Variants in NPAS3 observed in about 807,000 individuals in gnomAD.
NPAS3 encodes the protein neuronal PAS domain protein 3.
NPAS3 carries 14 observed loss-of-function variants against 73.1 expected under a neutral mutation model. The observed-to-expected ratio is 0.19, with a 90% CI of 0.13 to 0.30. The LOEUF is 0.30. Ranked by LOEUF, NPAS3 falls within the 10% of genes least tolerant of loss-of-function variation. The pLI, the probability that NPAS3 is intolerant of heterozygous loss-of-function variation, is 1.00. For missense variants in NPAS3, 1,096 were observed against 1,250.0 expected (o/e 0.88, Z 1.86); for synonymous variants, 620 against 541.5 (o/e 1.14, Z -2.01).
At chr14:33,266,541 C>T (rs754060053) in intron 3 of NPAS3, among the ~76,000 whole-genome samples, 1 of 152,166 alleles carries the variant, frequency 6.6e-6, no homozygotes, top group African/African-American at 2.4e-5. Flanking sequence ...TATTTAAAAA[C>T]TAAATACAAT....
chr14:33,122,225 C>T (rs1008242139), intron 2 of NPAS3, among the ~76,000 whole-genome samples: 66 of 152,122 alleles, frequency 4.3e-4, no homozygotes, highest in Non-Finnish European at 1.6e-4. Flanking sequence ...TGTCTTATCC[C>T]TACTGCTGTA....
At chr14:33,649,782 A>G (rs2058939001) in intron 5 of NPAS3, among the ~76,000 whole-genome samples, 1 of 152,226 alleles carries the variant, frequency 6.6e-6, no homozygotes, top group South Asian at 2.1e-4. Context: ...CAGACTGCAT[A>G]TAATAAAGGA....
chr14:33,023,535 C>A (rs2039682510), intron 1 of NPAS3, among the ~76,000 whole-genome samples: 2 of 152,134 alleles, frequency 1.3e-5, no homozygotes, highest in African/African-American at 2.4e-5. Context: ...CATTCTAATA[C>A]ATTCTAAAAA....
At chr14:33,212,326 A>G (rs184740095) in intron 2 of NPAS3, among the ~76,000 whole-genome samples, 2 of 152,296 alleles carry the variant, frequency 1.3e-5, no homozygotes, top group Admixed American at 6.5e-5. Flanking sequence ...TCCCTGCATA[A>G]TGATGTGATG....
chr14:33,136,306 A>T (rs370133545), intron 2 of NPAS3, among the ~76,000 whole-genome samples: 1 of 151,864 alleles, frequency 6.6e-6, no homozygotes, highest in Non-Finnish European at 1.5e-5. Context: ...TGATCCGCCC[A>T]CCTTAGCCTC....
intron 3 of NPAS3, among the ~76,000 whole-genome samples, chr14:33,265,709 G>A (rs2040783071): frequency 6.6e-6 from 1 of 152,034 alleles, no homozygotes; most frequent in Non-Finnish European, 1.5e-5. Context: ...GCATAAGTCA[G>A]CAATGTAGAT....
intron 4 of NPAS3, among the ~76,000 whole-genome samples, chr14:33,480,551 T>TCCCTC (rs2051271504): frequency 3.0e-4 from 5 of 16,412 alleles, no homozygotes; most frequent in African/African-American, 2.4e-3. Flanking sequence ...CCCCCACCCT[T>TCCCTC]CCTCCCTCCC....
chr14:33,014,909 C>A (rs1225934614), intron 1 of NPAS3, among the ~76,000 whole-genome samples: 8 of 152,210 alleles, frequency 5.3e-5, no homozygotes, highest in Non-Finnish European at 1.2e-4. Context: ...GGAGGAAGCA[C>A]TGCTCTGTGC....
At chr14:33,387,154 T>G (rs897128974) in intron 4 of NPAS3, among the ~76,000 whole-genome samples, 1 of 152,196 alleles carries the variant, frequency 6.6e-6, no homozygotes, top group African/African-American at 2.4e-5. Context: ...ACCCAAATTT[T>G]TACACATTTA....
At chr14:33,556,739 C>A (rs1379048805) in intron 4 of NPAS3, among the ~76,000 whole-genome samples, 1 of 152,206 alleles carries the variant, frequency 6.6e-6, no homozygotes, top group Non-Finnish European at 1.5e-5. Context: ...GGCCACTTAG[C>A]CTCTCTGTGC....
intron 1 of NPAS3, among the ~76,000 whole-genome samples, chr14:33,041,312 G>A (rs910838460): frequency 6.6e-6 from 1 of 152,106 alleles, no homozygotes; most frequent in African/African-American, 2.4e-5. Flanking sequence ...TTACTTCCCT[G>A]TACCAGTAGG....
intron 2 of NPAS3, among the ~76,000 whole-genome samples, chr14:33,162,567 C>T (rs1175965353): frequency 6.6e-6 from 1 of 152,086 alleles, no homozygotes; most frequent in East Asian, 1.9e-4. Flanking sequence ...TTGCTATTTC[C>T]TTTTAAATTC....
chr14:32,985,454 G>A (rs1217217775), intron 1 of NPAS3, among the ~76,000 whole-genome samples: 1 of 152,128 alleles, frequency 6.6e-6, no homozygotes, highest in Non-Finnish European at 1.5e-5. Flanking sequence ...TCTTGCAAAT[G>A]GGAACTTTTA....
chr14:33,024,179 T>TATA (rs780416903), intron 1 of NPAS3, among the ~76,000 whole-genome samples: 1 of 150,228 alleles, frequency 6.7e-6, no homozygotes, highest in South Asian at 2.1e-4. Context: ...TGTATGTATA[T>TATA]TCCCCCCACC....
At chr14:33,005,723 G>A (rs955181164) in intron 1 of NPAS3, among the ~76,000 whole-genome samples, 1 of 152,258 alleles carries the variant, frequency 6.6e-6, no homozygotes, top group East Asian at 1.9e-4. Flanking sequence ...CTGCTCCTTG[G>A]ACGTTACTTG....
At chr14:32,992,599 A>G (rs2038380294) in intron 1 of NPAS3, among the ~76,000 whole-genome samples, 1 of 152,168 alleles carries the variant, frequency 6.6e-6, no homozygotes, top group Non-Finnish European at 1.5e-5. Flanking sequence ...TTGGAAGTGT[A>G]GGAGAAAGTA....
At chr14:33,047,907 T>G (rs1440891052) in intron 1 of NPAS3, among the ~76,000 whole-genome samples, 1 of 152,182 alleles carries the variant, frequency 6.6e-6, no homozygotes, top group Non-Finnish European at 1.5e-5. Context: ...CCATCTGAGA[T>G]TTGCTGTATA....
chr14:33,199,041 G>A (rs2046502954), intron 2 of NPAS3, among the ~76,000 whole-genome samples: 1 of 152,264 alleles, frequency 6.6e-6, no homozygotes, highest in Admixed American at 6.5e-5. Flanking sequence ...CAAGTGTGGG[G>A]CCCGCCGAGC....
At chr14:33,719,705 C>T (rs1253400602) in intron 6 of NPAS3, among the ~76,000 whole-genome samples, 1 of 152,184 alleles carries the variant, frequency 6.6e-6, no homozygotes, top group Non-Finnish European at 1.5e-5. Context: ...AGTCACCAGC[C>T]TGTACCATTT....
Sources: allele counts gnomAD v4.1 joint callset (sites outside exome capture counted in the v4.1 genomes callset), GRCh38; gene constraint gnomAD v4.1.1; transcripts MANE v1.5; gene names NCBI Gene and HGNC (gene_info 2026-07-23, HGNC 2026-07-21).